AGMO: variants seen among roughly 807,000 people sequenced by gnomAD.
The protein encoded by AGMO is glyceryl-ether monooxygenase.
In AGMO, 75 loss-of-function variants were observed where a neutral mutation model predicts 60.2. The ratio of observed to expected loss-of-function variants is 1.25; its 90% CI spans 1.03 to 1.51. The LOEUF (loss-of-function observed/expected upper bound fraction) is 1.51, where lower values mean the gene tolerates loss of function less well. AGMO is among the 40% of genes most tolerant of loss of function. AGMO has a pLI of 0.00. For synonymous variants in AGMO, 261 were observed against 177.1 expected (o/e 1.47, Z -3.76); for missense variants, 763 against 525.5 (o/e 1.45, Z -4.42).
chr7:15,447,363 T>G (rs901495705), intron 3 of AGMO, among the ~76,000 whole-genome samples: 3 of 152,268 alleles, frequency 2.0e-5, no homozygotes, highest in South Asian at 2.1e-4. Flanking sequence ...CTATGGAGAA[T>G]AGAGCAATAG....
chr7:15,357,789 G>C (rs1369668588), intron 12 of AGMO, among the ~76,000 whole-genome samples: 1 of 152,194 alleles, frequency 6.6e-6, no homozygotes, highest in Non-Finnish European at 1.5e-5. Flanking sequence ...GAATACTGCT[G>C]AATGAGTAGG....
chr7:15,199,729 A>C (rs1781225606), downstream of AGMO, among the ~76,000 whole-genome samples: 1 of 152,220 alleles, frequency 6.6e-6, no homozygotes, highest in South Asian at 2.1e-4. Context: ...ATTGTTGTTA[A>C]GGGACAAAAG....
At chr7:15,258,143 A>G (rs556754997) in intron 12 of AGMO, among the ~76,000 whole-genome samples, 75 of 152,336 alleles carry the variant, frequency 4.9e-4, no homozygotes, top group African/African-American at 1.3e-3. Flanking sequence ...TTATAATTTC[A>G]TAACAGCTAA....
At chr7:15,279,409 G>A (rs1783898225) in intron 12 of AGMO, among the ~76,000 whole-genome samples, 1 of 152,074 alleles carries the variant, frequency 6.6e-6, no homozygotes. Context: ...TCCTCTCCAT[G>A]ACAGAGGTGT....
intron 2 of AGMO, among the ~76,000 whole-genome samples, chr7:15,546,258 T>C (rs893062088): frequency 1.3e-5 from 2 of 152,178 alleles, no homozygotes; most frequent in Non-Finnish European, 2.9e-5. Context: ...TATATGCAAC[T>C]CAGAGAAATG....
At chr7:15,406,385 C>CAT (rs993705102) in intron 5 of AGMO, among the ~76,000 whole-genome samples, 1 of 138,048 alleles carries the variant, frequency 7.2e-6, no homozygotes, top group East Asian at 2.1e-4. Context: ...TATGAATATA[C>CAT]ATATATATGT....
At chr7:15,498,228 A>T (rs752480370) in intron 3 of AGMO, among the ~76,000 whole-genome samples, 42 of 152,046 alleles carry the variant, frequency 2.8e-4, no homozygotes, top group Non-Finnish European at 5.2e-4. Context: ...TGGCACACAA[A>T]TAACTTGTTA....
chr7:15,360,684 A>G (rs1039163728), intron 12 of AGMO, among the ~76,000 whole-genome samples: 2 of 151,894 alleles, frequency 1.3e-5, no homozygotes, highest in Non-Finnish European at 2.9e-5. Flanking sequence ...CCGGAGAGAC[A>G]GGCACACTTA....
At chr7:15,371,563 T>G (rs183898695) in intron 10 of AGMO, among the ~76,000 whole-genome samples, 18 of 152,034 alleles carry the variant, frequency 1.2e-4, no homozygotes, top group African/African-American at 3.4e-4. Context: ...CCCGACTAAT[T>G]TTTTTGTATT....
intron 3 of AGMO, among the ~76,000 whole-genome samples, chr7:15,475,609 C>G (rs773272269): frequency 6.6e-6 from 1 of 151,800 alleles, no homozygotes; most frequent in Non-Finnish European, 1.5e-5. Flanking sequence ...ATGGGTGCAG[C>G]AAACCGCCAT....
intron 12 of AGMO, among the ~76,000 whole-genome samples, chr7:15,330,511 T>C (rs1781467352): frequency 6.6e-6 from 1 of 152,142 alleles, no homozygotes; most frequent in Admixed American, 6.6e-5. Flanking sequence ...GTCATCATTT[T>C]TGGATTTGTG....
chr7:15,372,654 A>T (rs1739885999), intron 10 of AGMO, among the ~76,000 whole-genome samples: 1 of 152,172 alleles, frequency 6.6e-6, no homozygotes, highest in East Asian at 1.9e-4. Context: ...TAGAATTTAT[A>T]GGTTTTGAAG....
the AGMO span, among the ~76,000 whole-genome samples, chr7:15,167,548 G>A: frequency 3.9e-5 from 6 of 152,084 alleles, no homozygotes; most frequent in South Asian, 2.1e-4. Flanking sequence ...AAAATATCAC[G>A]GAACATTTTT....
chr7:15,415,799 A>G (rs1780750006), intron 5 of AGMO, among the ~76,000 whole-genome samples: 1 of 152,186 alleles, frequency 6.6e-6, no homozygotes, highest in South Asian at 2.1e-4. Flanking sequence ...TTTTAAGTTA[A>G]AAACATGTAT....
intron 4 of AGMO, among the ~76,000 whole-genome samples, chr7:15,421,456 GT>G (rs1239016008): frequency 1.3e-5 from 2 of 152,228 alleles, no homozygotes; most frequent in African/African-American, 2.4e-5. Context: ...ATAAAAATAT[GT>G]TTGGAACCTA....
At chr7:15,185,696 T>C in the AGMO span, among the ~76,000 whole-genome samples, 30 of 152,230 alleles carry the variant, frequency 2.0e-4, no homozygotes, top group African/African-American at 4.1e-4. Context: ...CATTTGAAGA[T>C]TGGAGTCCAA....
At chr7:15,388,382 G>A (rs1228232333) in intron 8 of AGMO, among the ~76,000 whole-genome samples, 1 of 152,108 alleles carries the variant, frequency 6.6e-6, no homozygotes, top group Non-Finnish European at 1.5e-5. Context: ...TAGATCTGAG[G>A]AATAGGTAAA....
chr7:15,457,439 T>C (rs1211654868), intron 3 of AGMO, among the ~76,000 whole-genome samples: 1 of 152,150 alleles, frequency 6.6e-6, no homozygotes, highest in Non-Finnish European at 1.5e-5. Flanking sequence ...TCCAGTAGAT[T>C]TGTTCTGTGC....
chr7:15,368,334 T>G (rs1484962635), intron 10 of AGMO, among the ~76,000 whole-genome samples: 1 of 150,754 alleles, frequency 6.6e-6, no homozygotes, highest in African/African-American at 2.4e-5. Flanking sequence ...GTAACTAAGG[T>G]TTGTTACTTT....
Sources: allele counts gnomAD v4.1 joint callset (sites outside exome capture counted in the v4.1 genomes callset), GRCh38; gene constraint gnomAD v4.1.1; transcripts MANE v1.5; gene names NCBI Gene and HGNC (gene_info 2026-07-23, HGNC 2026-07-21).